LAMA2: variants seen among roughly 807,000 people sequenced by gnomAD.
LAMA2 encodes the protein laminin subunit alpha-2.
Under a neutral mutation model 364.8 loss-of-function variants are expected in LAMA2, and 269 were observed. That is an observed-to-expected ratio of 0.74 (90% CI 0.67 to 0.82). The LOEUF is 0.82. Ranked by LOEUF, LAMA2 falls within the 40% of genes least tolerant of loss-of-function variation. LAMA2 has a pLI of 0.00. For synonymous variants in LAMA2, 1,379 were observed against 1,370.6 expected, an observed-to-expected ratio of 1.01 and a Z score of -0.14; for missense variants, 3,807 against 3,873.2, an observed-to-expected ratio of 0.98 and a Z score of 0.45.
intron 17 of LAMA2, among the ~76,000 whole-genome samples, chr6:129,273,225 TA>T (rs1562402309): frequency 1.3e-5 from 2 of 152,198 alleles, no homozygotes; most frequent in Non-Finnish European, 2.9e-5. Context: ...TGCGAAGGGT[TA>T]GATCACCCAA....
intron 4 of LAMA2, among the ~76,000 whole-genome samples, chr6:129,129,784 C>A (rs1777345918): frequency 6.6e-6 from 1 of 151,092 alleles, no homozygotes; most frequent in Non-Finnish European, 1.5e-5. Flanking sequence ...ATTAGCCAGG[C>A]GTAGTGGCGG....
At chr6:129,108,161 C>A (rs1775938471) in intron 4 of LAMA2, among the ~76,000 whole-genome samples, 1 of 151,788 alleles carries the variant, frequency 6.6e-6, no homozygotes, top group South Asian at 2.1e-4. Context: ...TTTTAAAATG[C>A]TGATTTTAAT....
chr6:129,300,210 C>A (rs1053424746), intron 21 of LAMA2, among the ~76,000 whole-genome samples: 4 of 152,054 alleles, frequency 2.6e-5, no homozygotes, highest in Non-Finnish European at 5.9e-5. Context: ...ATAATTCAAC[C>A]ATTTTAAAGT....
chr6:129,502,656 C>T lies in LAMA2; in HGVS notation c.8245-3C>T. The stretch of plus-strand genomic sequence containing the variant: ...CTGTTTTTCTCTCCTGGGTATTTTA[C>T]AGGGTCCTTGTGCTGCAGAATCAGA... On this transcript the variant is annotated splice_region_variant and splice_polypyrimidine_tract_variant and intron_variant, in intron 58 of 64. Coordinates refer to ENST00000421865, the MANE Select transcript of LAMA2 (RefSeq NM_000426.4). 6.2e-7 allele frequency: 1 copy of T among 1,604,776 alleles called. No homozygotes were observed. Among genetic ancestry groups the T allele is most frequent in the Non-Finnish European group, 8.5e-7 (1 of 1,171,564 alleles).
chr6:129,052,135 C>CTTT (rs34305119), intron 2 of LAMA2, among the ~76,000 whole-genome samples: 1 of 127,402 alleles, frequency 7.8e-6, no homozygotes, highest in Non-Finnish European at 1.6e-5. Context: ...ATTTCTTCTC[C>CTTT]TTTTTTTTTT....
rs781179731 is a variant in LAMA2, at chr6:129,297,782, G to T, written c.2954G>T (p.Cys985Phe). 6.2e-7 allele frequency: 1 copy of T among 1,614,104 alleles called. No individual in the cohort carries two copies. Among genetic ancestry groups the T allele is most frequent in the Non-Finnish European group, 8.5e-7 (1 of 1,179,986 alleles). ...KSFDCEESGQCWCQPGVTGKK... is the reference protein window; with the variant it reads ...KSFDCEESGQFWCQPGVTGKK... ...TTCGACTGTGAAGAGAGTGGACAATGTTGGTGCCAACCTGGAGTCACAGGG... is the reference window on the plus strand; with the variant it reads ...TTCGACTGTGAAGAGAGTGGACAATTTTGGTGCCAACCTGGAGTCACAGGG... Residue 985 changes from cysteine (C) to phenylalanine (F), a missense_variant, in exon 21 of 65, where the codon TGT (cysteine) becomes TTT (phenylalanine). Coordinates refer to ENST00000421865, the MANE Select transcript of LAMA2 (RefSeq NM_000426.4).
intron 62 of LAMA2, 69 bp from the exon 63 acceptor site, chr6:129,512,294 C>G: frequency 7.1e-7 from 1 of 1,405,628 alleles, no homozygotes; most frequent in Non-Finnish European, 1.0e-6. Flanking sequence ...AAAAGTCATG[C>G]ATTGTACACG....
chr6:129,285,605 G>A (rs1012319030), intron 18 of LAMA2, among the ~76,000 whole-genome samples: 1 of 152,084 alleles, frequency 6.6e-6, no homozygotes, highest in African/African-American at 2.4e-5. Flanking sequence ...AATGATCATT[G>A]TATATCCTTA....
intron 37 of LAMA2, among the ~76,000 whole-genome samples, chr6:129,397,341 C>A (rs1223613437): frequency 6.6e-6 from 1 of 152,052 alleles, no homozygotes; most frequent in Non-Finnish European, 1.5e-5. Flanking sequence ...ATCTGTGCCT[C>A]TCTTTGTTTT....
At chr6:129,250,760 C>T (rs1786122033) in intron 13 of LAMA2, among the ~76,000 whole-genome samples, 2 of 152,052 alleles carry the variant, frequency 1.3e-5, no homozygotes, top group South Asian at 2.1e-4. Context: ...TCTCTGCCAC[C>T]CTTTCTTATC....
intron 14 of LAMA2, among the ~76,000 whole-genome samples, chr6:129,254,996 A>G (rs1470306421): frequency 6.6e-6 from 1 of 152,074 alleles, no homozygotes; most frequent in African/African-American, 2.4e-5. Flanking sequence ...GATGTGTCAC[A>G]TGACTTGGTT....
intron 20 of LAMA2, among the ~76,000 whole-genome samples, chr6:129,292,085 GC>G (rs1201066222): frequency 6.6e-6 from 1 of 152,176 alleles, no homozygotes; most frequent in Non-Finnish European, 1.5e-5. Context: ...GGTGGCTCAT[GC>G]CTGTAATCCC....
intron 4 of LAMA2, among the ~76,000 whole-genome samples, chr6:129,119,572 G>A (rs1650197309): frequency 6.6e-6 from 1 of 151,606 alleles, no homozygotes. Flanking sequence ...TTTTGAGACG[G>A]AGTCTCGATC....
At chr6:129,099,971 A>G (rs1775426684) in intron 4 of LAMA2, among the ~76,000 whole-genome samples, 1 of 152,190 alleles carries the variant, frequency 6.6e-6, no homozygotes, top group Non-Finnish European at 1.5e-5. Context: ...TTTGAGTTGA[A>G]TTTTTATTAT....
intron 9 of LAMA2, among the ~76,000 whole-genome samples, chr6:129,171,498 TGGCCCCCACTCTCTTCC>T (rs971540854): frequency 3.2e-4 from 48 of 152,334 alleles, no homozygotes; most frequent in African/African-American, 1.0e-3. Flanking sequence ...TGTTGAATAT[TGGCCCCCACTCTCTTCC>T]GGCTTGTAGA....
At chr6:129,181,550 G>GA (rs1215354189) in intron 10 of LAMA2, among the ~76,000 whole-genome samples, 1 of 151,646 alleles carries the variant, frequency 6.6e-6, no homozygotes, top group Admixed American at 6.6e-5. Flanking sequence ...TTCCAGAAAT[G>GA]AAAAAAATAT....
intron 18 of LAMA2, among the ~76,000 whole-genome samples, chr6:129,282,142 T>C (rs1788762330): frequency 6.6e-6 from 1 of 152,208 alleles, no homozygotes; most frequent in South Asian, 2.1e-4. Flanking sequence ...TTGTAGATGT[T>C]CCTGGAATAA....
chr6:129,008,462 A>G (rs1469500977), intron 1 of LAMA2, among the ~76,000 whole-genome samples: 1 of 152,172 alleles, frequency 6.6e-6, no homozygotes, highest in African/African-American at 2.4e-5. Context: ...TATCTAATTT[A>G]TCATAACCCT....
At chr6:129,237,331 C>CTGT (rs75386790) in intron 12 of LAMA2, among the ~76,000 whole-genome samples, 97,912 of 150,468 alleles carry the variant, frequency 0.65, 33,696 homozygotes, top group Non-Finnish European at 0.77. Context: ...CATTGTTTTT[C>CTGT]TGTTGTTGTT....
Sources: gnomAD v4.1 joint callset for allele counts (sites outside exome capture counted in the v4.1 genomes callset) on GRCh38, gnomAD v4.1.1 for gene constraint, MANE v1.5 for transcripts, NCBI Gene and HGNC (gene_info 2026-07-23, HGNC 2026-07-21) for gene names.